Variants in PELI1 observed in about 807,000 individuals in gnomAD.
The protein encoded by PELI1 is pellino E3 ubiquitin protein ligase 1, also known as E3 ubiquitin-protein ligase pellino homolog 1.
Under a neutral mutation model 41.3 loss-of-function variants are expected in PELI1, and 15 were observed. The ratio of observed to expected loss-of-function variants is 0.36; its 90% CI spans 0.24 to 0.56. PELI1 has a LOEUF of 0.56. PELI1 is among the 20% of genes least tolerant of loss of function. The probability of loss-of-function intolerance (pLI) is 0.82; values close to 1 mark genes in which losing one functional copy is unlikely to be tolerated. For missense variants in PELI1, 403 were observed against 525.5 expected, an observed-to-expected ratio of 0.77 and a Z score of 2.28; for synonymous variants, 178 against 180.1, an observed-to-expected ratio of 0.99 and a Z score of 0.09.
At chr2:64,141,253 C>T (rs1405627299) in intron 1 of PELI1, among the ~76,000 whole-genome samples, 1 of 151,928 alleles carries the variant, frequency 6.6e-6, no homozygotes, top group Non-Finnish European at 1.5e-5. Flanking sequence ...TTTAAATCTG[C>T]TTTACTGTCC....
intron 1 of PELI1, among the ~76,000 whole-genome samples, chr2:64,128,262 G>A (rs1465476515): frequency 2.6e-5 from 4 of 152,042 alleles, no homozygotes; most frequent in African/African-American, 9.7e-5. Flanking sequence ...TCTGTGCTAG[G>A]AGACTAATAT....
At chr2:64,107,133 T>G (rs1322992132) in intron 2 of PELI1, among the ~76,000 whole-genome samples, 9 of 152,152 alleles carry the variant, frequency 5.9e-5, no homozygotes. Context: ...TTCACCATGT[T>G]GGCCAGGCTG....
At chr2:64,136,001 T>C (rs1311810549) in intron 1 of PELI1, among the ~76,000 whole-genome samples, 1 of 152,252 alleles carries the variant, frequency 6.6e-6, no homozygotes, top group East Asian at 1.9e-4. Context: ...CTTTCCTTCC[T>C]TCTCTTGCTG....
chr2:64,107,798 C>T (rs1295783642), intron 2 of PELI1, among the ~76,000 whole-genome samples: 1 of 152,074 alleles, frequency 6.6e-6, no homozygotes, highest in African/African-American at 2.4e-5. Flanking sequence ...CTGCCTCAAT[C>T]TCCCAAGTAA....
intron 1 of PELI1, chr2:64,143,241 T>C (rs578055848): frequency 6.6e-6 from 1 of 152,358 alleles, no homozygotes; most frequent in Non-Finnish European, 1.5e-5. Flanking sequence ...TCGGAGCATT[T>C]TTCACTAAGT....
chr2:64,115,187 A>T (rs943275250), intron 1 of PELI1, among the ~76,000 whole-genome samples: 1 of 152,216 alleles, frequency 6.6e-6, no homozygotes, highest in African/African-American at 2.4e-5. Flanking sequence ...TGGTTGAAGG[A>T]AAGCGACTAG....
At chr2:64,102,835 C>CA (rs1428944008) in intron 3 of PELI1, among the ~76,000 whole-genome samples, 2 of 133,152 alleles carry the variant, frequency 1.5e-5, no homozygotes. Context: ...AGGAGTCAAT[C>CA]TTTTTTTTTT....
intron 1 of PELI1, among the ~76,000 whole-genome samples, chr2:64,125,962 T>A (rs997119613): frequency 1.3e-5 from 2 of 152,234 alleles, no homozygotes; most frequent in South Asian, 4.1e-4. Flanking sequence ...ATGGGTCCCA[T>A]CCCGAAGATA....
chr2:64,136,446 C>T (rs779700196), intron 1 of PELI1, among the ~76,000 whole-genome samples: 1 of 152,134 alleles, frequency 6.6e-6, no homozygotes, highest in Non-Finnish European at 1.5e-5. Flanking sequence ...AATTAAAGAA[C>T]TAGATTCCTA....
intron 3 of PELI1, among the ~76,000 whole-genome samples, chr2:64,102,622 T>C (rs1680482948): frequency 6.6e-6 from 1 of 152,204 alleles, no homozygotes; most frequent in Non-Finnish European, 1.5e-5. Context: ...AAACATTGGT[T>C]TTTATGTGCT....
At chr2:64,104,584 A>G (rs1680556135) in intron 3 of PELI1, 117 bp downstream of exon 3, 1 of 1,372,360 alleles carries the variant, frequency 7.3e-7, no homozygotes, top group Non-Finnish European at 9.4e-7. Context: ...TCCAATCCAA[A>G]CAAAAGGCAA....
intron 1 of PELI1, among the ~76,000 whole-genome samples, chr2:64,140,808 C>CAAAAA (rs59589601): frequency 9.0e-6 from 1 of 110,696 alleles, no homozygotes; most frequent in African/African-American, 3.8e-5. Context: ...AACAAACAAA[C>CAAAAA]AAAAAAAAAC....
chr2:64,102,853 TTTA>T (rs1471140031), intron 3 of PELI1, among the ~76,000 whole-genome samples: 34 of 137,262 alleles, frequency 2.5e-4, no homozygotes, highest in East Asian at 3.3e-4. Context: ...TTTTTTTTTT[TTTA>T]AACTGAGACA....
At chr2:64,134,136 A>G (rs1411357763) in intron 1 of PELI1, among the ~76,000 whole-genome samples, 1 of 152,126 alleles carries the variant, frequency 6.6e-6, no homozygotes, top group Non-Finnish European at 1.5e-5. Flanking sequence ...AAACTCAGCA[A>G]ATCCTTTTGG....
rs1251907011 is a variant in PELI1, at chr2:64,093,660, T to C, written c.*1042A>G. 3.9e-5 allele frequency: 6 copies of C among 152,648 alleles called. No individual in the cohort carries two copies. Among genetic ancestry groups the C allele is most frequent in the African/African-American group, 1.4e-4 (6 of 41,464 alleles). The allele number at this position is 152,648 out of a possible 1,614,324, so 9.5% of individuals were successfully genotyped here. On this transcript the variant is annotated 3_prime_UTR_variant, in exon 7 of 7. Coordinates refer to ENST00000358912, the MANE Select transcript of PELI1 (RefSeq NM_020651.4). ...TGGTCTGCTAAAAACGGGGGCACTA[T>C]TGTCATTCAACCCTTTAGATCTCTA...
At chr2:64,138,131 C>G (rs537589086) in intron 1 of PELI1, among the ~76,000 whole-genome samples, 2 of 151,938 alleles carry the variant, frequency 1.3e-5, no homozygotes, top group Non-Finnish European at 2.9e-5. Flanking sequence ...TAGACAGGAT[C>G]TGGTTATGCT....
At chr2:64,101,902 A>T (rs1680448486) in intron 3 of PELI1, among the ~76,000 whole-genome samples, 1 of 140,098 alleles carries the variant, frequency 7.1e-6, no homozygotes, top group African/African-American at 2.7e-5. Context: ...ATCTCGGCTC[A>T]CTGTAACCTC....
At chr2:64,119,897 T>G (rs1027663134) in intron 1 of PELI1, among the ~76,000 whole-genome samples, 2 of 152,080 alleles carry the variant, frequency 1.3e-5, no homozygotes, top group Non-Finnish European at 2.9e-5. Context: ...AACACTCCAT[T>G]TAAAAAAAAC....
At chr2:64,139,672 A>C (rs1681831955) in intron 1 of PELI1, among the ~76,000 whole-genome samples, 1 of 152,264 alleles carries the variant, frequency 6.6e-6, no homozygotes, top group African/African-American at 2.4e-5. Flanking sequence ...CCATGAAAGC[A>C]GAGATTTTAG....
Sources: gnomAD v4.1 joint callset for allele counts (sites outside exome capture counted in the v4.1 genomes callset) on GRCh38, gnomAD v4.1.1 for gene constraint, MANE v1.5 for transcripts, NCBI Gene and HGNC (gene_info 2026-07-23, HGNC 2026-07-21) for gene names.